GREB1: variants seen among roughly 807,000 people sequenced by gnomAD.
GREB1 encodes protein GREB1.
GREB1 carries 106 observed loss-of-function variants against 200.7 expected under a neutral mutation model. The ratio of observed to expected loss-of-function variants is 0.53; its 90% CI spans 0.45 to 0.62. The LOEUF (loss-of-function observed/expected upper bound fraction) is 0.62, where lower values mean the gene tolerates loss of function less well. Among genes scored for constraint, GREB1 ranks in the 20% least tolerant of loss-of-function variants. The probability of loss-of-function intolerance (pLI) is 0.00; values close to 1 mark genes in which losing one functional copy is unlikely to be tolerated. For missense variants in GREB1, 2,243 were observed against 2,556.8 expected, an observed-to-expected ratio of 0.88 and a Z score of 2.65; for synonymous variants, 1,132 against 1,092.4, an observed-to-expected ratio of 1.04 and a Z score of -0.72.
chr2:11,488,373 AGCTCT>A (rs1672703872), intron 1 of GREB1, among the ~76,000 whole-genome samples: 1 of 152,216 alleles, frequency 6.6e-6, no homozygotes, highest in Non-Finnish European at 1.5e-5. Flanking sequence ...ACTTGCTTGC[AGCTCT>A]GTAAGTCAAC....
At chr2:11,519,886 C>T (rs752456257) in intron 1 of GREB1, among the ~76,000 whole-genome samples, 22 of 152,310 alleles carry the variant, frequency 1.4e-4, no homozygotes, top group Middle Eastern at 6.8e-3. Context: ...TCTATAATCC[C>T]AGCACTTTGG....
chr2:11,508,929 C>G (rs942329965), intron 1 of GREB1, among the ~76,000 whole-genome samples: 1 of 145,620 alleles, frequency 6.9e-6, no homozygotes, highest in Non-Finnish European at 1.5e-5. Flanking sequence ...GGCTGGAGTG[C>G]AGTGGCGCGA....
chr2:11,551,655 G>A (rs764639338), intron 1 of GREB1, among the ~76,000 whole-genome samples: 1 of 152,220 alleles, frequency 6.6e-6, no homozygotes, highest in African/African-American at 2.4e-5. Context: ...GCACTCTCCT[G>A]TCCCTTCCTC....
upstream of GREB1, among the ~76,000 whole-genome samples, chr2:11,533,133 T>C (rs1018102269): frequency 6.6e-6 from 1 of 152,214 alleles, no homozygotes; most frequent in African/African-American, 2.4e-5. Context: ...AACTTGGTGC[T>C]ACAAGTTAAG....
chr2:11,514,295 C>T (rs1386166753), intron 1 of GREB1, among the ~76,000 whole-genome samples: 5 of 151,844 alleles, frequency 3.3e-5, no homozygotes, highest in African/African-American at 7.3e-5. Flanking sequence ...ATGTTACCTA[C>T]GTAAATATGG....
At chr2:11,584,327 C>T (rs557736468) in intron 7 of GREB1, among the ~76,000 whole-genome samples, 3 of 152,062 alleles carry the variant, frequency 2.0e-5, no homozygotes, top group East Asian at 1.9e-4. Context: ...CTAGAGTGGG[C>T]GGGGATGACT....
At chr2:11,635,079 G>A (rs1685201476) in intron 29 of GREB1, among the ~76,000 whole-genome samples, 191 bp from the exon 30 acceptor site, 1 of 152,224 alleles carries the variant, frequency 6.6e-6, no homozygotes, top group Admixed American at 6.5e-5. Flanking sequence ...GGCCCTGTCT[G>A]TCCTGTGCGT....
intron 1 of GREB1, among the ~76,000 whole-genome samples, chr2:11,503,657 T>C (rs1231792758): frequency 6.6e-6 from 1 of 152,244 alleles, no homozygotes; most frequent in Non-Finnish European, 1.5e-5. Flanking sequence ...CCTCACATTT[T>C]TGCCAACACC....
At chr2:11,613,197 T>TG (rs962826091) in intron 19 of GREB1, among the ~76,000 whole-genome samples, 2 of 152,054 alleles carry the variant, frequency 1.3e-5, no homozygotes, top group African/African-American at 4.8e-5. Context: ...TCCGCTGGTG[T>TG]GGGGGGTCTC....
At position 11,585,865 on chromosome 2, in the gene GREB1, C is replaced by A; in HGVS notation, c.1119C>A (p.Asn373Lys). 1 of 1,614,034 alleles carries A rather than the reference C, an allele frequency of 6.2e-7. No individual in the cohort carries two copies. The highest frequency in any genetic ancestry group is 8.5e-7 in the Non-Finnish European group (1 of 1,180,028). Residue 373 changes from asparagine (N) to lysine (K), a missense_variant, in exon 9 of 33, where the codon AAC becomes AAA. Asn to Lys is a moderately conservative substitution (Grantham distance 94, BLOSUM62 0). Coordinates refer to ENST00000381486, the MANE Select transcript of GREB1 (RefSeq NM_014668.4). ...GAGAACCAGTGTCTGTTCCTGACAA[C>A]TTGCTGAAAATATGCAAGGCCAAGC... ...ASGEPVSVPD[N>K]LLKICKAKPV...
In GREB1 at chr2:11,637,703, C is replaced by T. The variant is rs372895338; in HGVS notation, c.5347-13C>T. 10 of 1,611,488 alleles carry T rather than the reference C, an allele frequency of 6.2e-6. No individual in the cohort carries two copies. The highest frequency in any genetic ancestry group is 7.6e-6 in the Non-Finnish European group (9 of 1,179,556). ...CAGGGCAGTAGTGGCCTGACACCCCCCTTCCCGTGCAGGTGTCTGATAACT... is the reference window on the plus strand; with the variant it reads ...CAGGGCAGTAGTGGCCTGACACCCCTCTTCCCGTGCAGGTGTCTGATAACT... On this transcript the variant is annotated splice_polypyrimidine_tract_variant and intron_variant, in intron 30 of 32. Transcript: ENST00000381486.
chr2:11,544,805 T>C (rs1675108407), intron 1 of GREB1, among the ~76,000 whole-genome samples: 1 of 152,076 alleles, frequency 6.6e-6, no homozygotes, highest in Non-Finnish European at 1.5e-5. Flanking sequence ...CTTAGAATGC[T>C]CTTGGGTTTG....
intron 9 of GREB1, among the ~76,000 whole-genome samples, chr2:11,586,833 A>G (rs1159400865): frequency 1.3e-5 from 2 of 152,206 alleles, no homozygotes; most frequent in Non-Finnish European, 2.9e-5. Context: ...ATGACGCAGG[A>G]CCAATGACCG....
rs368356520 is a variant in GREB1 at position 11,610,997 on chromosome 2, C to T, written c.2976C>T (p.Thr992=). The T allele has an allele frequency of 2.9e-5, 46 of 1,600,812 alleles. No individual in the cohort carries two copies. Among genetic ancestry groups the T allele is most frequent in the South Asian group, 6.7e-5 (6 of 89,400 alleles). ...IILGSPSSGV[T]VGKHFVKQLR... ...TGGGCAGTCCCAGCTCAGGCGTCAC[C>T]GTGGGGAAGCACTTCGTAAAGCAGC... The change falls in exon 18 of 33, where the codon ACC becomes ACT. Residue 992 remains threonine, a synonymous_variant. Coordinates refer to ENST00000381486, the MANE Select transcript of GREB1 (RefSeq NM_014668.4).
intron 4 of GREB1, among the ~76,000 whole-genome samples, chr2:11,573,572 C>T (rs997060568): frequency 3.3e-5 from 5 of 152,130 alleles, no homozygotes; most frequent in African/African-American, 9.7e-5. Flanking sequence ...TTGGCATTTC[C>T]GGTCTCTCCC....
At chr2:11,587,704 C>CAG (rs1680277626) in intron 9 of GREB1, 1 of 834,390 alleles carries the variant, frequency 1.2e-6, no homozygotes, top group Non-Finnish European at 1.5e-6. Context: ...AACACACACA[C>CAG]ACACACACAC....
rs768202012 is a variant in GREB1 at position 11,640,287 on chromosome 2, G to C, written c.5687-4G>C. 2 of 1,607,658 alleles carry C rather than the reference G, an allele frequency of 1.2e-6. No individual in the cohort carries two copies. The highest frequency in any genetic ancestry group is 3.4e-5 in the Admixed American group (2 of 58,916). ...TTCCCACACCTCTGCCGTTGTCCACGCAGGTGCGACGTTGTGTGTCATCTG... is the reference window on the plus strand; with the variant it reads ...TTCCCACACCTCTGCCGTTGTCCACCCAGGTGCGACGTTGTGTGTCATCTG... On this transcript the variant is annotated splice_region_variant and splice_polypyrimidine_tract_variant and intron_variant, in intron 32 of 32. Coordinates refer to ENST00000381486, the MANE Select transcript of GREB1 (RefSeq NM_014668.4). The surrounding 1 kb of genome is among the most constrained non-coding windows in gnomAD (Gnocchi z 4.6).
In GREB1 at chr2:11,597,880, A is replaced by G. The variant is rs754003094; in HGVS notation, c.2054A>G (p.Asn685Ser). The change falls in exon 14 of 33, where the codon AAT (asparagine) becomes AGT (serine). Residue 685 changes from asparagine to serine, a missense_variant. This residue lies in a region of GREB1 where 1,178 missense variants were observed against 1,387.4 expected (regional missense o/e 0.85). Coordinates refer to ENST00000381486, the MANE Select transcript of GREB1 (RefSeq NM_014668.4). This position sits in a 1 kb window ranked among gnomAD's most constrained non-coding sequence, Gnocchi z 4.1. ...VCSIADSSTQ[N>S]LDLGSFEKVD... ...TCCATTGCGGATTCCAGCACCCAAAATCTGGACCTGGGATCCTTTGAGAAG... is the reference window on the plus strand; with the variant it reads ...TCCATTGCGGATTCCAGCACCCAAAGTCTGGACCTGGGATCCTTTGAGAAG... 2.6e-5 allele frequency: 42 copies of G among 1,613,958 alleles called. No individual in the cohort carries two copies. The highest frequency in any genetic ancestry group is 3.1e-5 in the Non-Finnish European group (37 of 1,179,982).
chr2:11,628,815 C>T lies in GREB1; in HGVS notation c.4450-1133C>T, dbSNP rs116497094. ...GCAGAGGAGGAGGAGAGGCAGCCGG[C>T]TGGGCTGTGCCTGGCCTGTGTTCTC... On this transcript the variant is annotated intron_variant, in intron 25 of 32. Transcript: ENST00000381486. Among the ~76,000 whole-genome samples the T allele has an allele frequency of 4.8e-3, 732 of 152,202 alleles. 6 individuals are homozygous for T. The highest frequency in any genetic ancestry group is 0.017 in the African/African-American group (700 of 41,534).
Sources: allele counts gnomAD v4.1 joint callset (sites outside exome capture counted in the v4.1 genomes callset), GRCh38; gene constraint gnomAD v4.1.1; regional missense constraint gnomAD v4.1.1; non-coding constraint Gnocchi (gnomAD v3.1); transcripts MANE v1.5; gene names NCBI Gene and HGNC (gene_info 2026-07-23, HGNC 2026-07-21).